Variants in DRC4 observed in about 807,000 individuals in gnomAD.
DRC4 encodes the protein GAS-11.
the DRC4 span, chr16:90,037,979 G>T: frequency 1.6e-5 from 13 of 804,326 alleles, no homozygotes; most frequent in East Asian, 3.3e-4. Flanking sequence ...CAGGGACGGG[G>T]CTCTCCTTGT....
chr16:90,030,916 C>T, the DRC4 span, among the ~76,000 whole-genome samples: 3 of 152,180 alleles, frequency 2.0e-5, no homozygotes, highest in Non-Finnish European at 2.9e-5. Flanking sequence ...CCGCGCCTCG[C>T]TTATTTCCCT....
At chr16:90,022,767 C>T in the DRC4 span, 1 of 1,338,092 alleles carries the variant, frequency 7.5e-7, no homozygotes, top group South Asian at 1.7e-5. Flanking sequence ...CGGCAGGGGC[C>T]CGGAGACCTC....
chr16:90,036,363 T>C, the DRC4 span: 1 of 1,588,822 alleles, frequency 6.3e-7, no homozygotes, highest in African/African-American at 1.3e-5. Flanking sequence ...TAAGCTGCTG[T>C]TTGCTGCTGC....
At chr16:90,026,269 A>G in the DRC4 span, among the ~76,000 whole-genome samples, 5 of 152,150 alleles carry the variant, frequency 3.3e-5, no homozygotes, top group African/African-American at 9.7e-5. Context: ...TCCTGGTGTC[A>G]TGCGTGGTTT....
At chr16:90,019,735 C>T in the DRC4 span, 2 of 656,776 alleles carry the variant, frequency 3.0e-6, no homozygotes, top group African/African-American at 1.9e-5. The surrounding 1 kb of genome is among the most constrained non-coding windows in gnomAD (Gnocchi z 6.1). Flanking sequence ...CACTTGGCGG[C>T]CGCGCCCGCT....
chr16:90,042,615 C>T, the DRC4 span: 2 of 1,132,740 alleles, frequency 1.8e-6, no homozygotes, highest in East Asian at 2.4e-5. Context: ...CTCTGAGGAC[C>T]CCACCTGTGC....
the DRC4 span, chr16:90,029,016 G>A: frequency 7.7e-7 from 1 of 1,305,450 alleles, no homozygotes; most frequent in Non-Finnish European, 1.0e-6. Flanking sequence ...AAAGATGTCT[G>A]GAGCTGCTGG....
At chr16:90,022,349 A>ATCAT in the DRC4 span, 1 of 216,640 alleles carries the variant, frequency 4.6e-6, no homozygotes, top group Admixed American at 5.9e-5. Context: ...TGGCTGATTG[A>ATCAT]TCATTCCTTC....
the DRC4 span, among the ~76,000 whole-genome samples, chr16:90,023,936 G>A: frequency 1.3e-5 from 2 of 149,350 alleles, no homozygotes; most frequent in African/African-American, 2.5e-5. Flanking sequence ...AGGTTGCAGC[G>A]AGCCGAGATC....
chr16:90,032,991 C>A, the DRC4 span: 1 of 1,336,252 alleles, frequency 7.5e-7, no homozygotes, highest in Non-Finnish European at 1.1e-6. Flanking sequence ...GCTGCATGAA[C>A]TCCTGTTTAT....
chr16:90,042,526 G>C, the DRC4 span: 4 of 1,613,612 alleles, frequency 2.5e-6, no homozygotes, highest in Non-Finnish European at 3.4e-6. Flanking sequence ...AGCTGGCCCA[G>C]GTCTGTAAGG....
chr16:90,035,981 T>G, the DRC4 span: 1 of 1,157,248 alleles, frequency 8.6e-7, no homozygotes, highest in Non-Finnish European at 1.2e-6. Flanking sequence ...GCAGCCTTCT[T>G]AAAATAGTCT....
At chr16:90,036,670 G>C in the DRC4 span, 3 of 1,195,776 alleles carry the variant, frequency 2.5e-6, no homozygotes, top group Admixed American at 2.0e-5. Context: ...CCAGACCCCA[G>C]CTCTCCACCC....
At chr16:90,041,663 G>C in the DRC4 span, among the ~76,000 whole-genome samples, 1 of 152,046 alleles carries the variant, frequency 6.6e-6, no homozygotes, top group African/African-American at 2.4e-5. Context: ...AATTAGCTGG[G>C]CTTGGTGGCG....
At chr16:90,041,376 C>T in the DRC4 span, among the ~76,000 whole-genome samples, 17 of 152,186 alleles carry the variant, frequency 1.1e-4, no homozygotes, top group South Asian at 2.1e-4. Flanking sequence ...GCAGCAGGGA[C>T]GGCTCTAAAG....
At chr16:90,027,130 G>A in the DRC4 span, among the ~76,000 whole-genome samples, 1 of 146,990 alleles carries the variant, frequency 6.8e-6, no homozygotes, top group African/African-American at 2.5e-5. Flanking sequence ...CTGTCGTCCT[G>A]GCTGGAGTGC....
chr16:90,031,237 C>T, the DRC4 span: 36 of 1,603,536 alleles, frequency 2.2e-5, no homozygotes, highest in East Asian at 3.1e-4. Context: ...GCCGGCCACA[C>T]GCCCCGTTGC....
chr16:90,024,003 G>A, the DRC4 span, among the ~76,000 whole-genome samples: 390 of 151,348 alleles, frequency 2.6e-3, no homozygotes, highest in Non-Finnish European at 4.1e-3. Flanking sequence ...AAAAAAGCAG[G>A]GTGTAGTGGC....
At chr16:90,022,556 T>A in the DRC4 span, 4 of 681,936 alleles carry the variant, frequency 5.9e-6, no homozygotes, top group Non-Finnish European at 8.7e-6. Context: ...CGGACGCCCG[T>A]CTCTAGGGAC....
Sources: allele counts gnomAD v4.1 joint callset (sites outside exome capture counted in the v4.1 genomes callset), GRCh38; gene constraint gnomAD v4.1.1; non-coding constraint Gnocchi (gnomAD v3.1); transcripts MANE v1.5; gene names NCBI Gene and HGNC (gene_info 2026-07-23, HGNC 2026-07-21).